KIF13A: variants seen among roughly 807,000 people sequenced by gnomAD.
KIF13A encodes the protein kinesin family member 13A.
A neutral mutation model predicts 212.2 loss-of-function variants in KIF13A; 79 were observed. The ratio of observed to expected loss-of-function variants is 0.37; its 90% CI spans 0.31 to 0.45. The LOEUF (loss-of-function observed/expected upper bound fraction) is 0.45, where lower values mean the gene tolerates loss of function less well. Among genes scored for constraint, KIF13A ranks in the 20% least tolerant of loss-of-function variants. The pLI is 1.00. For synonymous variants in KIF13A, 789 were observed against 808.6 expected, an observed-to-expected ratio of 0.98 and a Z score of 0.41; for missense variants, 1,901 against 2,209.0, an observed-to-expected ratio of 0.86 and a Z score of 2.79.
Position 17,971,410 on chromosome 6 carries a change from A to G in KIF13A, c.146+15644T>C, listed in dbSNP as rs1277777464. Reference sequence around the variant, plus strand: ...ATTTTATAATAAAATATTAAAATTTAGTAGCGGTTTGTTTTTTTCCTTTTT... The same window carrying G: ...ATTTTATAATAAAATATTAAAATTTGGTAGCGGTTTGTTTTTTTCCTTTTT... On this transcript the variant is annotated intron_variant, in intron 2 of 38. Transcript: ENST00000259711. This position sits in a 1 kb window ranked among gnomAD's most constrained non-coding sequence, Gnocchi z 4.2. Among the ~76,000 whole-genome samples, 1 of 152,124 alleles carries G rather than the reference A, an allele frequency of 6.6e-6. No individual in the cohort carries two copies. Among genetic ancestry groups the G allele is most frequent in the Non-Finnish European group, 1.5e-5 (1 of 68,016 alleles).
chr6:17,907,769 G>A (rs1773651728), intron 2 of KIF13A, among the ~76,000 whole-genome samples: 1 of 152,202 alleles, frequency 6.6e-6, no homozygotes, highest in South Asian at 2.1e-4. Flanking sequence ...ATAGCAGGTA[G>A]ACAGAATGTA....
intron 38 of KIF13A, among the ~76,000 whole-genome samples, chr6:17,766,919 G>C (rs1330405764): frequency 1.3e-5 from 2 of 152,036 alleles, no homozygotes; most frequent in Non-Finnish European, 2.9e-5. Flanking sequence ...AAATAATTTA[G>C]TTTTTATAAC....
rs530864717 is a variant in KIF13A, at chr6:17,985,431, A to G, written c.146+1623T>C. 3.9e-4 allele frequency among the ~76,000 whole-genome samples: 59 copies of G among 152,222 alleles called. 1 individual carries two copies. Among genetic ancestry groups the G allele is most frequent in the African/African-American group, 1.3e-3 (54 of 41,532 alleles). On this transcript the variant is annotated intron_variant, in intron 2 of 38. Transcript: ENST00000259711. ...AAATCAAATCTGTTTCTCTTCACAA[A>G]TGACAACACTTCATGTCATTAAACA...
rs1259116271 is a variant in KIF13A, at chr6:17,794,430, A to G, written c.3076-35T>C. 1 of 1,594,288 alleles carries G rather than the reference A, an allele frequency of 6.3e-7. No homozygotes were observed. The highest frequency in any genetic ancestry group is 1.1e-5 in the South Asian group (1 of 89,914). ...GTGGGGAGGAGTATGGGTGCCAGGA[A>G]TGATAATGAAAAGGAACGGGATAAA... On this transcript the variant is annotated intron_variant, in intron 24 of 38. Transcript: ENST00000259711. The surrounding 1 kb of genome is among the most constrained non-coding windows in gnomAD (Gnocchi z 4.1).
rs370720618 is a variant in KIF13A at position 17,826,844 on chromosome 6, TAGAG to T, written c.1533-724_1533-721del. 3.4e-4 allele frequency among the ~76,000 whole-genome samples: 52 copies of T among 152,250 alleles called. No individual in the cohort carries two copies. The highest frequency in any genetic ancestry group is 1.2e-3 in the African/African-American group (49 of 41,568). ...ACTATATTTAAGAATCTTCATCTTT[TAGAG>T]AGACATAGTGAGATATTTATAGATA... On this transcript the variant is annotated intron_variant, in intron 14 of 38. Coordinates refer to ENST00000259711, the MANE Select transcript of KIF13A (RefSeq NM_022113.6). This position sits in a 1 kb window ranked among gnomAD's most constrained non-coding sequence, Gnocchi z 4.7.
intron 2 of KIF13A, among the ~76,000 whole-genome samples, chr6:17,959,798 C>T (rs941110419): frequency 2.0e-5 from 3 of 152,204 alleles, no homozygotes; most frequent in Non-Finnish European, 2.9e-5. Flanking sequence ...CCGAGGCCGG[C>T]GGATCACCTG....
rs1770155516 is a variant in KIF13A, at chr6:17,872,910, A to T, written c.220+467T>A. On this transcript the variant is annotated intron_variant, in intron 4 of 38. Transcript: ENST00000259711. This position sits in a 1 kb window ranked among gnomAD's most constrained non-coding sequence, Gnocchi z 4.7. ...CTCGGCCTCCCAAAGTGCTGGGATT[A>T]CAGATGTGAGCCACCATGCCCGGAC... Among the ~76,000 whole-genome samples, 1 of 152,216 alleles carries T rather than the reference A, an allele frequency of 6.6e-6. No homozygotes were observed. Among genetic ancestry groups the T allele is most frequent in the Admixed American group, 6.5e-5 (1 of 15,276 alleles).
intron 2 of KIF13A, among the ~76,000 whole-genome samples, chr6:17,969,699 A>C (rs577001503): frequency 6.6e-6 from 1 of 152,088 alleles, no homozygotes; most frequent in Admixed American, 6.6e-5. Flanking sequence ...TTTTACTTGC[A>C]TATCTGGTTC....
At chr6:17,868,989 C>CAAAAAAAAAAAAAAAAAAAA (rs71002278) in intron 4 of KIF13A, among the ~76,000 whole-genome samples, 2 of 20,920 alleles carry the variant, frequency 9.6e-5, no homozygotes, top group African/African-American at 1.4e-4. Flanking sequence ...GACTCCCTCT[C>CAAAAAAAAAAAAAAAAAAAA]AAAAAAAAAA....
At position 17,787,798 on chromosome 6, in the gene KIF13A, T is replaced by A. The variant is rs569313311; in HGVS notation, c.3339A>T (p.Ile1113=). 3.7e-6 allele frequency: 6 copies of A among 1,611,846 alleles called. No homozygotes were observed. The highest frequency in any genetic ancestry group is 2.7e-5 in the African/African-American group (2 of 75,028). The change falls in exon 27 of 39, where the codon ATA becomes ATT. Residue 1113 remains isoleucine, a synonymous_variant. Transcript: ENST00000259711. This position sits in a 1 kb window ranked among gnomAD's most constrained non-coding sequence, Gnocchi z 4.6. ...IKRREYLDEQ[I]KKVSNKTEKT... ...TACCTGTTTTATTGCTGACTTTTTTTATCTGTTCATCCAGGTATTCTCGTC... is the reference window on the plus strand; with the variant it reads ...TACCTGTTTTATTGCTGACTTTTTTAATCTGTTCATCCAGGTATTCTCGTC...
intron 20 of KIF13A, among the ~76,000 whole-genome samples, chr6:17,802,553 G>A (rs2150335673): frequency 6.6e-6 from 1 of 151,762 alleles, no homozygotes; most frequent in Non-Finnish European, 1.5e-5. Context: ...GCCTCCCAAA[G>A]TGCTGGGATT....
At position 17,984,684 on chromosome 6, in the gene KIF13A, TA is replaced by T; in HGVS notation, c.146+2369del. The T allele has an allele frequency of 3.7e-6, 1 of 271,674 alleles. No individual in the cohort carries two copies. Among genetic ancestry groups the T allele is most frequent in the Middle Eastern group, 1.9e-3 (1 of 516 alleles). The allele number at this position is 271,674 out of a possible 1,614,324, so 16.8% of individuals were successfully genotyped here. On this transcript the variant is annotated intron_variant, in intron 2 of 38. Transcript: ENST00000259711. This position sits in a 1 kb window ranked among gnomAD's most constrained non-coding sequence, Gnocchi z 5.0. The stretch of plus-strand genomic sequence containing the variant: ...CTAACCTTCAATTTCTATCCATGGC[TA>T]ATTCATTGGTAATTTCTTGCAACTT...
At chr6:17,761,131 G>A (rs1758564325), downstream of KIF13A, among the ~76,000 whole-genome samples, 1 of 152,190 alleles carries the variant, frequency 6.6e-6, no homozygotes, top group Non-Finnish European at 1.5e-5. Flanking sequence ...TTCTGGATGT[G>A]CAGTCTAAGT....
At chr6:17,833,200 G>C (rs1290018637) in intron 12 of KIF13A, among the ~76,000 whole-genome samples, 1 of 151,874 alleles carries the variant, frequency 6.6e-6, no homozygotes, top group Non-Finnish European at 1.5e-5. Context: ...ATGTCTAAAA[G>C]TGATCTTTGC....
chr6:17,770,322 A>G (rs961016309), intron 38 of KIF13A: 2 of 149,944 alleles, frequency 1.3e-5, no homozygotes, highest in Non-Finnish European at 3.0e-5. Context: ...GCTGAGACAA[A>G]AATTTAGAGA....
rs747387479 is a variant in KIF13A at position 17,776,870 on chromosome 6, T to G, written c.4170+407A>C. 6.6e-6 allele frequency among the ~76,000 whole-genome samples: 1 copy of G among 152,164 alleles called. No homozygotes were observed. The highest frequency in any genetic ancestry group is 1.5e-5 in the Non-Finnish European group (1 of 68,042). ...ACTAGGGACTCCAAGAGTGCCTACA[T>G]GCAGTGGCTGACTCCTTATCACACT... is the stretch of plus-strand genomic sequence containing the variant. On this transcript the variant is annotated intron_variant, in intron 34 of 38. Coordinates refer to ENST00000259711, the MANE Select transcript of KIF13A (RefSeq NM_022113.6). This position sits in a 1 kb window ranked among gnomAD's most constrained non-coding sequence, Gnocchi z 4.6.
intron 2 of KIF13A, among the ~76,000 whole-genome samples, chr6:17,933,493 C>T (rs982092356): frequency 6.6e-6 from 1 of 150,928 alleles, no homozygotes. Context: ...ATCCTTCTGC[C>T]TTGGCCTCCC....
At chr6:17,847,351 G>C (rs781100607) in intron 9 of KIF13A, among the ~76,000 whole-genome samples, 4 of 152,158 alleles carry the variant, frequency 2.6e-5, no homozygotes, top group African/African-American at 4.8e-5. Context: ...GCAATGCCTT[G>C]TCAGGAAATA....
chr6:17,936,363 G>A, intron 2 of KIF13A: 2 of 192,004 alleles, frequency 1.0e-5, no homozygotes, highest in Middle Eastern at 4.7e-4. Flanking sequence ...TGGCCAGGCT[G>A]GTGATCTGCC....
Sources: gnomAD v4.1 joint callset for allele counts (sites outside exome capture counted in the v4.1 genomes callset) on GRCh38, gnomAD v4.1.1 for gene constraint, Gnocchi (gnomAD v3.1) non-coding constraint, MANE v1.5 for transcripts, NCBI Gene and HGNC (gene_info 2026-07-23, HGNC 2026-07-21) for gene names.